Variants in MAP3K19 observed in about 807,000 individuals in gnomAD.
MAP3K19 encodes SPS1/STE20-related protein kinase YSK4.
In MAP3K19, 91 loss-of-function variants were observed where a neutral mutation model predicts 114.4. That is an observed-to-expected ratio of 0.80 (90% CI 0.67 to 0.95). The LOEUF (loss-of-function observed/expected upper bound fraction) is 0.95. Ranked by LOEUF, MAP3K19 falls within the 40% of genes least tolerant of loss-of-function variation. MAP3K19 has a pLI of 0.00. For missense variants in MAP3K19, 1,471 were observed against 1,573.2 expected, an observed-to-expected ratio of 0.94 and a Z score of 1.10; for synonymous variants, 518 against 530.5, an observed-to-expected ratio of 0.98 and a Z score of 0.32.
chr2:134,994,969 C>A (rs1016064423), intron 8 of MAP3K19, among the ~76,000 whole-genome samples: 1 of 152,054 alleles, frequency 6.6e-6, no homozygotes, highest in Admixed American at 6.6e-5. Context: ...CTCCGTGTAC[C>A]CTTTCTCAAG....
chr2:134,987,769 G>T lies in MAP3K19; in HGVS notation c.1103C>A (p.Ser368Ter). 1.2e-6 allele frequency: 2 copies of T among 1,607,986 alleles called. No individual in the cohort carries two copies. The highest frequency in any genetic ancestry group is 1.7e-6 in the Non-Finnish European group (2 of 1,179,962). Residue 368 changes from serine to a stop codon, truncating the protein, a stop_gained, in exon 10 of 13, where the codon TCA (serine) becomes TAA (stop). Transcript: ENST00000392915. LOFTEE classifies it high-confidence loss of function. ...TACTGAACTCTCATTCTTTCTTGAT[G>T]AAAGATATTGAGAGTTCTCTTCTTC... The part of the protein sequence containing the change: ...KPEEENSQYL[S>*]SRKNESSVAK...
At chr2:135,025,372 C>CTTTTTTTT (rs1054458367) in intron 3 of MAP3K19, among the ~76,000 whole-genome samples, 1 of 70,138 alleles carries the variant, frequency 1.4e-5, no homozygotes, top group Non-Finnish European at 2.6e-5. Flanking sequence ...ATGGCCTTTT[C>CTTTTTTTT]TTTTCTTTTT....
At chr2:134,968,595 G>C (rs1333223209) in intron 12 of MAP3K19, among the ~76,000 whole-genome samples, 4 of 151,252 alleles carry the variant, frequency 2.6e-5, no homozygotes, top group African/African-American at 9.8e-5. Context: ...TTCTCAGACG[G>C]GGCGGTTGCC....
Position 134,985,695 on chromosome 2 carries a change from AT to A in MAP3K19, c.3072+104del, listed in dbSNP as rs539519987. 164 of 1,040,840 alleles carry A rather than the reference AT, an allele frequency of 1.6e-4. 2 individuals carry two copies. In the East Asian group the frequency reaches 3.2e-3, roughly 21 times the overall value. The allele number at this position is 1,040,840 out of a possible 1,614,324, so 64.5% of individuals were successfully genotyped here. On this transcript the variant is annotated intron_variant, in intron 10 of 12. Transcript: ENST00000392915. ...AGTGAGACCTTGAAAAAACTATTTA[AT>A]TGTTTAGGGTTTATAATTCCTCATT... is the stretch of plus-strand genomic sequence containing the variant.
chr2:134,967,543 A>G (rs1659471497), intron 12 of MAP3K19, among the ~76,000 whole-genome samples: 1 of 152,246 alleles, frequency 6.6e-6, no homozygotes, highest in Admixed American at 6.5e-5. Context: ...CTGCCTTGTT[A>G]TTCTTTACTC....
intron 12 of MAP3K19, among the ~76,000 whole-genome samples, chr2:134,978,613 GTTC>G (rs370986899): frequency 4.7e-4 from 72 of 152,284 alleles, no homozygotes; most frequent in African/African-American, 1.7e-3. Flanking sequence ...CTGCCTCCCT[GTTC>G]TTCTCTCACA....
intron 5 of MAP3K19, 32 bp downstream of exon 5, chr2:135,021,683 T>G (rs1052790815): frequency 9.9e-6 from 12 of 1,215,778 alleles, no homozygotes; most frequent in Non-Finnish European, 1.4e-5. Flanking sequence ...TGGAGTAGGC[T>G]GTCCGTTGTT....
intron 5 of MAP3K19, among the ~76,000 whole-genome samples, chr2:135,021,228 TC>T: frequency 6.6e-6 from 1 of 152,024 alleles, no homozygotes; most frequent in East Asian, 1.9e-4. Flanking sequence ...GAAAGTAGAG[TC>T]CTCATGATGG....
At chr2:134,977,045 C>T (rs1684283176) in intron 12 of MAP3K19, among the ~76,000 whole-genome samples, 1 of 128,278 alleles carries the variant, frequency 7.8e-6, no homozygotes, top group Admixed American at 7.9e-5. Context: ...GACTCCGTCT[C>T]GGAAAAAAAA....
At chr2:135,019,034 G>A (rs1235053274) in intron 5 of MAP3K19, among the ~76,000 whole-genome samples, 4 of 151,630 alleles carry the variant, frequency 2.6e-5, no homozygotes, top group South Asian at 4.1e-4. Flanking sequence ...AGCAGAGATC[G>A]TGCCACTGCA....
chr2:134,998,963 C>T lies in MAP3K19; in HGVS notation c.349G>A (p.Ala117Thr). The change falls in exon 8 of 13, where the codon GCA (alanine) becomes ACA (threonine). Residue 117 changes from alanine to threonine, a missense_variant. By Grantham distance (58) the Ala-to-Thr change is moderately conservative. Coordinates refer to ENST00000392915, the MANE Select transcript of MAP3K19 (RefSeq NM_025052.5). ...INSSLQEWAQ[A>T]HAVSHPNEIE... ...TCATTTGGATGAGAAACTGCATGTGCTTGTGCCCATTCTTGAAGCGATGAG... is the reference window on the plus strand; with the variant it reads ...TCATTTGGATGAGAAACTGCATGTGTTTGTGCCCATTCTTGAAGCGATGAG... The T allele has an allele frequency of 6.2e-7, 1 of 1,613,830 alleles. No homozygotes were observed. Among genetic ancestry groups the T allele is most frequent in the East Asian group, 2.2e-5 (1 of 44,886 alleles).
At position 134,981,633 on chromosome 2, in the gene MAP3K19, G is replaced by A. The variant is rs528140784; in HGVS notation, c.3223-115C>T. ...TTTCTAAACCCTTGTCTTTCTCTAA[G>A]TTGATACCTCCCTTCCTAAATGCAA... On this transcript the variant is annotated intron_variant, in intron 11 of 12. Coordinates refer to ENST00000392915, the MANE Select transcript of MAP3K19 (RefSeq NM_025052.5). 2.0e-5 allele frequency: 16 copies of A among 783,788 alleles called. No individual in the cohort carries two copies. In the East Asian group the frequency reaches 4.2e-4, roughly 21 times the overall value. 48.6% of individuals were successfully genotyped at this position (783,788 alleles called of 1,614,324 possible). A position where few individuals can be genotyped will look rare whatever the true frequency, so the allele number is the denominator to read the frequency against.
intron 8 of MAP3K19, among the ~76,000 whole-genome samples, 179 bp from the exon 9 acceptor site, chr2:134,991,759 G>T (rs577679867): frequency 6.6e-6 from 1 of 152,228 alleles, no homozygotes; most frequent in Non-Finnish European, 1.5e-5. Context: ...ACTTCAGGCT[G>T]CTGCCACTAG....
intron 12 of MAP3K19, among the ~76,000 whole-genome samples, chr2:134,969,702 G>A (rs1338359967): frequency 6.6e-6 from 1 of 152,154 alleles, no homozygotes; most frequent in East Asian, 1.9e-4. Context: ...CTTCTGCACA[G>A]ACCAATAACC....
At chr2:135,019,195 C>A (rs1404221800) in intron 5 of MAP3K19, among the ~76,000 whole-genome samples, 1 of 151,940 alleles carries the variant, frequency 6.6e-6, no homozygotes, top group African/African-American at 2.4e-5. Context: ...CTTCGGTGAA[C>A]AATTCCTAGT....
chr2:134,985,353 T>G (rs1685017695), intron 10 of MAP3K19, among the ~76,000 whole-genome samples: 1 of 152,200 alleles, frequency 6.6e-6, no homozygotes, highest in African/African-American at 2.4e-5. Flanking sequence ...CTCTGAGAAA[T>G]GTACATTTCA....
chr2:134,998,637 T>A, intron 8 of MAP3K19, 101 bp downstream of exon 8: 2 of 1,257,980 alleles, frequency 1.6e-6, no homozygotes, highest in Non-Finnish European at 2.2e-6. Flanking sequence ...TTTTCTGGTA[T>A]GTTCACTGCT....
chr2:134,970,028 G>A (rs1683759080), intron 12 of MAP3K19, among the ~76,000 whole-genome samples: 1 of 151,996 alleles, frequency 6.6e-6, no homozygotes, highest in Non-Finnish European at 1.5e-5. Flanking sequence ...AATATATTTT[G>A]TATATATTTT....
rs1232929411 is a variant in MAP3K19 at position 134,986,306 on chromosome 2, A to C, written c.2566T>G (p.Trp856Gly). ...GAATTCTTCTCACTGGGCACTGCCC[A>C]GCTGTCTTCTGAAGGGATAAATGGG... Reference protein sequence around the residue: ...QIPFIPSEDSWAVPSEKNSNK... With the variant: ...QIPFIPSEDSGAVPSEKNSNK... The change falls in exon 10 of 13, where the codon TGG (tryptophan) becomes GGG (glycine). Residue 856 changes from tryptophan (W) to glycine (G), a missense_variant. Coordinates refer to ENST00000392915, the MANE Select transcript of MAP3K19 (RefSeq NM_025052.5). 2.5e-6 allele frequency: 4 copies of C among 1,613,878 alleles called. No individual in the cohort carries two copies. The African/African-American group carries it at 5.3e-5, about 22-fold the overall frequency.
Sources: gnomAD v4.1 joint callset for allele counts (sites outside exome capture counted in the v4.1 genomes callset) on GRCh38, gnomAD v4.1.1 for gene constraint, MANE v1.5 for transcripts, NCBI Gene and HGNC (gene_info 2026-07-23, HGNC 2026-07-21) for gene names.